The following CD68 variants were observed in gnomAD, a reference collection of about 807,000 sequenced individuals.
CD68 encodes the protein CD68 molecule.
In CD68, 24 loss-of-function variants were observed where a neutral mutation model predicts 31.3. That is an observed-to-expected ratio of 0.77 (90% CI 0.55 to 1.08). The LOEUF (loss-of-function observed/expected upper bound fraction) is 1.08, where lower values mean the gene tolerates loss of function less well. Among genes scored for constraint, CD68 ranks in the 50% least tolerant of loss-of-function variants. The probability of loss-of-function intolerance (pLI) is 0.00; values close to 1 mark genes in which losing one functional copy is unlikely to be tolerated. For missense variants in CD68, 461 were observed against 442.5 expected, an observed-to-expected ratio of 1.04 and a Z score of -0.38; for synonymous variants, 190 against 179.6, an observed-to-expected ratio of 1.06 and a Z score of -0.46.
rs781304672 is a variant in CD68, at chr17:7,581,482, A to C, written c.1036A>C (p.Arg346=). The C allele has an allele frequency of 6.2e-7, 1 of 1,614,072 alleles. No individual in the cohort carries two copies. The highest frequency in any genetic ancestry group is 1.1e-5 in the South Asian group (1 of 91,080). The stretch of plus-strand genomic sequence containing the variant: ...GCTTATTGCTTTCTGCATCATCCGG[A>C]GACGCCCATCCGCCTACCAGGCCCT... ...LVLIAFCIIR[R]RPSAYQAL Residue 346 remains arginine, a synonymous_variant, in exon 6 of 6, where the codon AGA becomes CGA. Transcript: ENST00000250092.
chr17:7,580,028 A>T lies in CD68; in HGVS notation c.268A>T (p.Thr90Ser). ...NPTTTSHGNV[T>S]VHPTSNSTAT... ...CACCACCACCAGCCATGGAAACGTC[A>T]CAGTTCATCCAACAAGCAATAGCAC... Residue 90 changes from threonine to serine, a missense_variant, in exon 2 of 6, where the codon ACA becomes TCA. By Grantham distance (58) the Thr-to-Ser change is moderately conservative (BLOSUM62 1). Transcript: ENST00000250092. The surrounding 1 kb of genome is among the most constrained non-coding windows in gnomAD (Gnocchi z 4.3). The T allele has an allele frequency of 6.2e-7, 1 of 1,613,954 alleles. No individual in the cohort carries two copies. Among genetic ancestry groups the T allele is most frequent in the South Asian group, 1.1e-5 (1 of 91,038 alleles).
intron 5 of CD68, 46 bp downstream of exon 5, chr17:7,581,112 T>A: frequency 6.5e-7 from 1 of 1,529,530 alleles, no homozygotes; most frequent in Non-Finnish European, 9.0e-7. Context: ...CCCACTGCAC[T>A]GAAAACCCCT....
Position 7,580,009 on chromosome 17 carries a change from C to A in CD68, c.249C>A (p.Thr83=), listed in dbSNP as rs763312975. 3.7e-6 allele frequency: 6 copies of A among 1,609,286 alleles called. No homozygotes were observed. The highest frequency in any genetic ancestry group is 5.1e-6 in the Non-Finnish European group (6 of 1,175,976). The change falls in exon 2 of 6, where the codon ACC becomes ACA. Residue 83 remains threonine (T), a synonymous_variant. Coordinates refer to ENST00000250092, the MANE Select transcript of CD68 (RefSeq NM_001251.3). The surrounding 1 kb of genome is among the most constrained non-coding windows in gnomAD (Gnocchi z 4.3). ...CGACTGCCACTCACAACCCCACCAC[C>A]ACCAGCCATGGAAACGTCACAGTTC... ...GPTTATHNPT[T]TSHGNVTVHP...
rs933509671 is a variant in CD68, at chr17:7,581,448, C to T, written c.1002C>T (p.Leu334=). The T allele has an allele frequency of 3.7e-6, 6 of 1,614,044 alleles. No homozygotes were observed. The highest frequency in any genetic ancestry group is 2.7e-5 in the African/African-American group (2 of 74,914). ...LIIGLILLGL[L]ALVLIAFCII... Reference sequence around the variant, plus strand: ...TCGGCCTGATCCTTCTTGGCCTCCTCGCCCTGGTGCTTATTGCTTTCTGCA... The same window carrying T: ...TCGGCCTGATCCTTCTTGGCCTCCTTGCCCTGGTGCTTATTGCTTTCTGCA... The change falls in exon 6 of 6, where the codon CTC becomes CTT. Residue 334 remains leucine, a synonymous_variant. Transcript: ENST00000250092.
Position 7,579,700 on chromosome 17 carries a change from C to A in CD68, c.23C>A (p.Ser8Ter). The A allele has an allele frequency of 6.2e-7, 1 of 1,603,500 alleles. No individual in the cohort carries two copies. Among genetic ancestry groups the A allele is most frequent in the South Asian group, 1.1e-5 (1 of 90,078 alleles). Residue 8 changes from serine (S) to a stop codon, truncating the protein, a stop_gained, in exon 1 of 6, where the codon TCG (serine) becomes TAG (stop). Transcript: ENST00000250092. LOFTEE classifies it high-confidence loss of function. MRLAVLF[S>*]GALLGLLAAQ... is the part of the protein sequence containing the mutation. ...GCCATGAGGCTGGCTGTGCTTTTCT[C>A]GGGGGCCCTGCTGGGGCTACTGGCA...
chr17:7,580,654 G>C lies in CD68; in HGVS notation c.688-57G>C. 6.2e-7 allele frequency: 1 copy of C among 1,613,354 alleles called. No homozygotes were observed. The highest frequency in any genetic ancestry group is 1.1e-5 in the South Asian group (1 of 91,056). On this transcript the variant is annotated intron_variant, in intron 3 of 5. Transcript: ENST00000250092. The surrounding 1 kb of genome is among the most constrained non-coding windows in gnomAD (Gnocchi z 4.3). Reference sequence around the variant, plus strand: ...CGCCCCTCCCCTCCCAATCCCACACGCTACTCCTTCCTCTGTGGAGAGGGA... The same window carrying C: ...CGCCCCTCCCCTCCCAATCCCACACCCTACTCCTTCCTCTGTGGAGAGGGA...
intron 5 of CD68, 29 bp from the exon 6 acceptor site, chr17:7,581,349 A>G: frequency 6.2e-7 from 1 of 1,613,928 alleles, no homozygotes. Context: ...CGTCACTGCA[A>G]ATACCTACCT....
rs1180789893 is a variant in CD68, at chr17:7,581,644, G to A, written c.*133G>A. 3 of 975,186 alleles carry A rather than the reference G, an allele frequency of 3.1e-6. No individual in the cohort carries two copies. Among genetic ancestry groups the A allele is most frequent in the Admixed American group, 2.3e-5 (1 of 42,812 alleles). 60.4% of individuals were successfully genotyped at this position (975,186 alleles called of 1,614,324 possible). ...TTTCTTGAAGAACAAAAAGAAAGCC[G>A]GGCATGACGGCTCATGCCTGTAATC... On this transcript the variant is annotated 3_prime_UTR_variant, in exon 6 of 6. Coordinates refer to ENST00000250092, the MANE Select transcript of CD68 (RefSeq NM_001251.3).
Position 7,580,660 on chromosome 17 carries a change from C to A in CD68, c.688-51C>A, listed in dbSNP as rs537125573. ...TCCCCTCCCAATCCCACACGCTACT[C>A]CTTCCTCTGTGGAGAGGGATACCAC... On this transcript the variant is annotated intron_variant, in intron 3 of 5. Coordinates refer to ENST00000250092, the MANE Select transcript of CD68 (RefSeq NM_001251.3). The surrounding 1 kb of genome is among the most constrained non-coding windows in gnomAD (Gnocchi z 4.3). 1.9e-6 allele frequency: 3 copies of A among 1,613,746 alleles called. No homozygotes were observed. The highest frequency in any genetic ancestry group is 4.5e-5 in the East Asian group (2 of 44,874).
chr17:7,581,415 T>C lies in CD68; in HGVS notation c.969T>C (p.Pro323=). 6.2e-7 allele frequency: 1 copy of C among 1,614,132 alleles called. No individual in the cohort carries two copies. The highest frequency in any genetic ancestry group is 8.5e-7 in the Non-Finnish European group (1 of 1,180,006). Residue 323 remains proline, a synonymous_variant, in exon 6 of 6, where the codon CCT becomes CCC. Coordinates refer to ENST00000250092, the MANE Select transcript of CD68 (RefSeq NM_001251.3). ...CCAGTGACCGGTCCATCTTGCTGCC[T>C]CTCATCATCGGCCTGATCCTTCTTG... ...SCPSDRSILL[P]LIIGLILLGL... is the part of the protein sequence containing the mutation.
In CD68 at chr17:7,580,792, C is replaced by A; in HGVS notation, c.760+9C>A. ...CTTCCCCCACGCAGCACGTAAGTAA[C>A]CTCCTTCCCTTTCTCATTGCTACCA... On this transcript the variant is annotated intron_variant, in intron 4 of 5. Coordinates refer to ENST00000250092, the MANE Select transcript of CD68 (RefSeq NM_001251.3). The surrounding 1 kb of genome is among the most constrained non-coding windows in gnomAD (Gnocchi z 4.3). 1 of 1,613,954 alleles carries A rather than the reference C, an allele frequency of 6.2e-7. No individual in the cohort carries two copies. The highest frequency in any genetic ancestry group is 8.5e-7 in the Non-Finnish European group (1 of 1,179,882).
rs1432605984 is a variant in CD68 at position 7,580,900 on chromosome 17, G to T, written c.765G>T (p.Trp255Cys). The T allele has an allele frequency of 2.5e-6, 4 of 1,613,982 alleles. No individual in the cohort carries two copies. In the East Asian group the frequency reaches 6.7e-5, roughly 27 times the overall value. The part of the protein sequence containing the change: ...YNVSFPHAAQ[W>C]TFSAQNASLR... The stretch of plus-strand genomic sequence containing the variant: ...GACCCTTCCTCACTCCTCCAGAGTG[G>T]ACATTCTCGGCTCAGAATGCATCCC... The change falls in exon 5 of 6, where the codon TGG (tryptophan) becomes TGT (cysteine). Residue 255 changes from tryptophan (W) to cysteine (C), a missense_variant. By Grantham distance (215) the Trp-to-Cys change is radical. Transcript: ENST00000250092. This position sits in a 1 kb window ranked among gnomAD's most constrained non-coding sequence, Gnocchi z 4.3.
Position 7,581,676 on chromosome 17 carries a change from C to T in CD68, c.*165C>T. On this transcript the variant is annotated 3_prime_UTR_variant, in exon 6 of 6. Coordinates refer to ENST00000250092, the MANE Select transcript of CD68 (RefSeq NM_001251.3). ...ACGGCTCATGCCTGTAATCCCAGCA[C>T]TTTGGGAGGCTGAGGCAGGTGGATC... 1 of 709,494 alleles carries T rather than the reference C, an allele frequency of 1.4e-6. No individual in the cohort carries two copies. The highest frequency in any genetic ancestry group is 2.3e-6 in the Non-Finnish European group (1 of 438,868). 43.9% of individuals were successfully genotyped at this position (709,494 alleles called of 1,614,324 possible).
In CD68 at chr17:7,580,575, G is replaced by C; in HGVS notation, c.677G>C (p.Gly226Ala). The C allele has an allele frequency of 3.7e-6, 6 of 1,613,962 alleles. No individual in the cohort carries two copies. Among genetic ancestry groups the C allele is most frequent in the Non-Finnish European group, 5.1e-6 (6 of 1,179,974 alleles). The change falls in exon 3 of 6, where the codon GGA (glycine) becomes GCA (alanine). Residue 226 changes from glycine to alanine, a missense_variant. Gly to Ala is a moderately conservative substitution (Grantham distance 60). Coordinates refer to ENST00000250092, the MANE Select transcript of CD68 (RefSeq NM_001251.3). The surrounding 1 kb of genome is among the most constrained non-coding windows in gnomAD (Gnocchi z 4.3). ...LSFPYGHLSF[G>A]FMQDLQQKVV... ...TTCCCCTATGGACACCTCAGCTTTG[G>C]ATTCATGCAGGTATAGCCATGACCT...
rs867072568 is a variant in CD68 at position 7,581,770 on chromosome 17, T to A, written c.*259T>A. ...AACCCTGTCTCTACTAAAAATACAA[T>A]TAGCCAGGTGTGGCGGCGTAATCCC... is the stretch of plus-strand genomic sequence containing the variant. On this transcript the variant is annotated 3_prime_UTR_variant, in exon 6 of 6. Transcript: ENST00000250092. 3 of 400,956 alleles carry A rather than the reference T, an allele frequency of 7.5e-6. No homozygotes were observed. The highest frequency in any genetic ancestry group is 4.1e-5 in the African/African-American group (2 of 49,070). 24.8% of individuals were successfully genotyped at this position (400,956 alleles called of 1,614,324 possible).
In CD68 at chr17:7,580,148, A is replaced by G; in HGVS notation, c.388A>G (p.Thr130Ala). Residue 130 changes from threonine (T) to alanine (A), a missense_variant, in exon 2 of 6, where the codon ACC (threonine) becomes GCC (alanine). Physicochemically the swap from Thr to Ala is moderately conservative, Grantham distance 58. Transcript: ENST00000250092. The surrounding 1 kb of genome is among the most constrained non-coding windows in gnomAD (Gnocchi z 4.3). Reference protein sequence around the residue: ...TVHPTSNSTATSPGFTSSAHP... With the variant: ...TVHPTSNSTAASPGFTSSAHP... The stretch of plus-strand genomic sequence containing the variant: ...TCATCCAACAAGCAACAGCACTGCC[A>G]CCAGCCCAGGATTCACCAGTTCTGC... 6.2e-7 allele frequency: 1 copy of G among 1,614,100 alleles called. No individual in the cohort carries two copies.
rs2071459323 is a variant in CD68 at position 7,579,829 on chromosome 17, C to T, written c.69C>T (p.Asp23=). 2 of 1,613,806 alleles carry T rather than the reference C, an allele frequency of 1.2e-6. No individual in the cohort carries two copies. Among genetic ancestry groups the T allele is most frequent in the East Asian group, 2.2e-5 (1 of 44,870 alleles). The change falls in exon 2 of 6, where the codon GAC becomes GAT. Residue 23 remains aspartate (D), a synonymous_variant. Coordinates refer to ENST00000250092, the MANE Select transcript of CD68 (RefSeq NM_001251.3). The stretch of plus-strand genomic sequence containing the variant: ...CAAAAGCCCAGGGGACAGGGAATGA[C>T]TGTCCTCACAAAAAATCAGCTACTT... ...GLLAAQGTGN[D]CPHKKSATLL...
chr17:7,579,664 G>A lies in CD68; in HGVS notation c.-14G>A, dbSNP rs554730968. ...CAGACAGCCTAGCTGGACTTTGGGTGAGGCGGTTCAGCCATGAGGCTGGCT... is the reference window on the plus strand; with the variant it reads ...CAGACAGCCTAGCTGGACTTTGGGTAAGGCGGTTCAGCCATGAGGCTGGCT... On this transcript the variant is annotated 5_prime_UTR_variant, in exon 1 of 6. Coordinates refer to ENST00000250092, the MANE Select transcript of CD68 (RefSeq NM_001251.3). 6 of 1,600,452 alleles carry A rather than the reference G, an allele frequency of 3.7e-6. No homozygotes were observed. The East Asian group carries it at 6.7e-5, about 18-fold the overall frequency.
Position 7,580,481 on chromosome 17 carries a change from G to C in CD68, c.583G>C (p.Val195Leu). The change falls in exon 3 of 6, where the codon GTA (valine) becomes CTA (leucine). Residue 195 changes from valine to leucine, a missense_variant. Transcript: ENST00000250092. The surrounding 1 kb of genome is among the most constrained non-coding windows in gnomAD (Gnocchi z 4.3). The part of the protein sequence containing the change: ...QGGGEAWGIS[V>L]LNPNKTKVQG... ...ACTTCCGCAGGCCTGGGGCATCTCT[G>C]TACTGAACCCCAACAAAACCAAGGT... 6 of 1,614,030 alleles carry C rather than the reference G, an allele frequency of 3.7e-6. No individual in the cohort carries two copies. The highest frequency in any genetic ancestry group is 5.1e-6 in the Non-Finnish European group (6 of 1,179,998).
Sources: gnomAD v4.1 joint callset for allele counts on GRCh38, gnomAD v4.1.1 for gene constraint, Gnocchi (gnomAD v3.1) non-coding constraint, MANE v1.5 for transcripts, NCBI Gene and HGNC (gene_info 2026-07-23, HGNC 2026-07-21) for gene names.